The following KDM4C variants were observed in gnomAD, a reference collection of about 807,000 sequenced individuals.
KDM4C encodes the protein lysine-specific demethylase 4C.
Under a neutral mutation model 129.3 loss-of-function variants are expected in KDM4C, and 81 were observed. The observed-to-expected ratio is 0.63, with a 90% confidence interval of 0.52 to 0.75. The LOEUF (loss-of-function observed/expected upper bound fraction) is 0.75, where lower values mean the gene tolerates loss of function less well. Ranked by LOEUF, KDM4C falls within the 30% of genes least tolerant of loss-of-function variation. The pLI, the probability that KDM4C is intolerant of heterozygous loss-of-function variation, is 0.00. For synonymous variants in KDM4C, 573 were observed against 456.1 expected, an observed-to-expected ratio of 1.26 and a Z score of -3.26; for missense variants, 1,457 against 1,304.0, an observed-to-expected ratio of 1.12 and a Z score of -1.81.
chr9:6,920,457 G>C (rs776658193), intron 8 of KDM4C, among the ~76,000 whole-genome samples: 4 of 152,042 alleles, frequency 2.6e-5, no homozygotes, highest in Non-Finnish European at 5.9e-5. Context: ...CAGCTACTCA[G>C]GAGACTGAGG....
chr9:6,899,937 G>A (rs1293927481), intron 8 of KDM4C, among the ~76,000 whole-genome samples: 1 of 152,148 alleles, frequency 6.6e-6, no homozygotes, highest in Non-Finnish European at 1.5e-5. Context: ...TAGTTTGTCA[G>A]TACCTTAAAA....
In KDM4C at chr9:6,801,966, A is replaced by G. The variant is rs543336063; in HGVS notation, c.145-3633A>G. On this transcript the variant is annotated intron_variant, in intron 2 of 21. Transcript: ENST00000381309. Reference sequence around the variant, plus strand: ...CAAAAATACAAAAAATTATCTGGGCATGGTGGCAGGCACCTGTAATCCCAG... The same window carrying G: ...CAAAAATACAAAAAATTATCTGGGCGTGGTGGCAGGCACCTGTAATCCCAG... Among the ~76,000 whole-genome samples, 40 of 152,098 alleles carry G rather than the reference A, an allele frequency of 2.6e-4. 1 individual carries two copies. In the South Asian group the frequency reaches 6.4e-3, roughly 25 times the overall value.
At chr9:6,750,111 A>T (rs1422265182) in intron 1 of KDM4C, among the ~76,000 whole-genome samples, 1 of 152,048 alleles carries the variant, frequency 6.6e-6, no homozygotes, top group Non-Finnish European at 1.5e-5. Context: ...ATATTAAAAT[A>T]ATGAACAAGA....
chr9:6,906,780 G>A (rs556860538), intron 8 of KDM4C, among the ~76,000 whole-genome samples: 1 of 151,824 alleles, frequency 6.6e-6, no homozygotes, highest in Non-Finnish European at 1.5e-5. Context: ...GTTACTAAAA[G>A]TGTTTGGCAT....
At chr9:6,972,375 C>T (rs1018846865) in intron 8 of KDM4C, among the ~76,000 whole-genome samples, 1 of 152,020 alleles carries the variant, frequency 6.6e-6, no homozygotes, top group Non-Finnish European at 1.5e-5. Context: ...ATTATATTTT[C>T]TCCCATAAAA....
At chr9:7,101,418 G>A (rs982704185) in intron 17 of KDM4C, among the ~76,000 whole-genome samples, 1 of 152,182 alleles carries the variant, frequency 6.6e-6, no homozygotes, top group African/African-American at 2.4e-5. Flanking sequence ...GGATGCATTC[G>A]CAATGGCTCC....
chr9:6,874,287 G>A (rs1444660023), intron 5 of KDM4C, among the ~76,000 whole-genome samples: 1 of 152,164 alleles, frequency 6.6e-6, no homozygotes, highest in Non-Finnish European at 1.5e-5. Flanking sequence ...ATAAAATGAG[G>A]TATGTCCATA....
At chr9:6,957,871 A>C (rs574350391) in intron 8 of KDM4C, among the ~76,000 whole-genome samples, 1 of 152,204 alleles carries the variant, frequency 6.6e-6, no homozygotes, top group South Asian at 2.1e-4. Flanking sequence ...TTCATGGACA[A>C]TAAAACACAA....
intron 8 of KDM4C, among the ~76,000 whole-genome samples, chr9:6,938,492 C>A (rs1021652530): frequency 5.3e-5 from 8 of 152,136 alleles, no homozygotes; most frequent in Admixed American, 4.6e-4. Flanking sequence ...GAAAACCGAC[C>A]GTATGAAGCT....
At chr9:7,086,040 C>T (rs1446977472) in intron 17 of KDM4C, among the ~76,000 whole-genome samples, 1 of 152,102 alleles carries the variant, frequency 6.6e-6, no homozygotes. Context: ...CGCCTGTAGT[C>T]CCAGCTACTC....
At chr9:6,960,623 T>C (rs1284304479) in intron 8 of KDM4C, among the ~76,000 whole-genome samples, 1 of 151,942 alleles carries the variant, frequency 6.6e-6, no homozygotes, top group East Asian at 1.9e-4. Context: ...CTTTAAAGAG[T>C]GTCGTAGGGA....
At chr9:6,805,894 C>T in intron 3 of KDM4C, 120 bp downstream of exon 3, 1 of 842,286 alleles carries the variant, frequency 1.2e-6, no homozygotes, top group Non-Finnish European at 1.8e-6. Context: ...CAATTTTTCA[C>T]CCTTCATTGA....
chr9:6,944,406 T>C (rs947250612), intron 8 of KDM4C, among the ~76,000 whole-genome samples: 5 of 152,204 alleles, frequency 3.3e-5, no homozygotes, highest in Non-Finnish European at 7.3e-5. Context: ...ATAGTTTGAG[T>C]ACATTGTTCA....
chr9:7,076,625 G>C, intron 17 of KDM4C: 3 of 1,397,962 alleles, frequency 2.1e-6, no homozygotes, highest in Admixed American at 3.0e-5. Flanking sequence ...GCTCCTGATT[G>C]AGTCAGACCC....
chr9:6,983,014 C>T (rs762050257), intron 9 of KDM4C, among the ~76,000 whole-genome samples: 3 of 152,212 alleles, frequency 2.0e-5, no homozygotes, highest in Non-Finnish European at 4.4e-5. Flanking sequence ...GTCTCAAGCA[C>T]ATGTCAGCCT....
At position 6,894,873 on chromosome 9, in the gene KDM4C, G is replaced by A. The variant is rs148770985; in HGVS notation, c.921+1641G>A. On this transcript the variant is annotated intron_variant, in intron 8 of 21. Transcript: ENST00000381309. Reference sequence around the variant, plus strand: ...TCTCTGGCTAGCCATGTAACATTAGGAAAGTCATTTATTCTTCATATATAA... The same window carrying A: ...TCTCTGGCTAGCCATGTAACATTAGAAAAGTCATTTATTCTTCATATATAA... Among the ~76,000 whole-genome samples the A allele has an allele frequency of 1.5e-3, 223 of 152,304 alleles. 3 individuals carry two copies. The East Asian group carries it at 0.037, about 26-fold the overall frequency.
chr9:6,959,390 A>C (rs932871034), intron 8 of KDM4C, among the ~76,000 whole-genome samples: 1 of 152,230 alleles, frequency 6.6e-6, no homozygotes, highest in Non-Finnish European at 1.5e-5. Flanking sequence ...GGTACCTGTC[A>C]GAGGCTCTTG....
chr9:7,073,384 A>G (rs1833472528), intron 17 of KDM4C, among the ~76,000 whole-genome samples: 1 of 152,218 alleles, frequency 6.6e-6, no homozygotes, highest in African/African-American at 2.4e-5. Context: ...AGTAATTATG[A>G]CAACTCTTAT....
At chr9:7,166,958 C>G (rs1046032148) in intron 20 of KDM4C, among the ~76,000 whole-genome samples, 1 of 152,134 alleles carries the variant, frequency 6.6e-6, no homozygotes, top group South Asian at 2.1e-4. Context: ...TGTTTTGTGT[C>G]TAATTATTCA....
Sources: allele counts gnomAD v4.1 joint callset (sites outside exome capture counted in the v4.1 genomes callset), GRCh38; gene constraint gnomAD v4.1.1; transcripts MANE v1.5; gene names NCBI Gene and HGNC (gene_info 2026-07-23, HGNC 2026-07-21).